Variants in CAPZB observed in about 807,000 individuals in gnomAD.
The protein encoded by CAPZB is F-actin-capping protein subunit beta.
Under a neutral mutation model 38.1 loss-of-function variants are expected in CAPZB, and 2 were observed. The ratio of observed to expected loss-of-function variants is 0.05; its 90% CI spans 0.02 to 0.17. The LOEUF (loss-of-function observed/expected upper bound fraction) is 0.17, where lower values mean the gene tolerates loss of function less well. CAPZB is among the 10% of genes least tolerant of loss of function. The pLI is 1.00. For missense variants in CAPZB, 161 were observed against 334.2 expected, an observed-to-expected ratio of 0.48 and a Z score of 4.04; for synonymous variants, 107 against 127.4, an observed-to-expected ratio of 0.84 and a Z score of 1.08.
intron 6 of CAPZB, among the ~76,000 whole-genome samples, chr1:19,350,261 C>T (rs1026836127): frequency 2.0e-5 from 3 of 152,286 alleles, no homozygotes; most frequent in Non-Finnish European, 4.4e-5. Flanking sequence ...GTGCTGCAGC[C>T]CGAGAGGAAA....
intron 1 of CAPZB, among the ~76,000 whole-genome samples, chr1:19,428,507 A>G (rs954419959): frequency 2.6e-5 from 4 of 152,184 alleles, no homozygotes; most frequent in Non-Finnish European, 5.9e-5. Context: ...CCGTGAAAAC[A>G]TAACTGCTTT....
intron 4 of CAPZB, among the ~76,000 whole-genome samples, chr1:19,365,744 G>T (rs919123263): frequency 2.0e-5 from 3 of 152,038 alleles, no homozygotes; most frequent in Admixed American, 6.6e-5. Flanking sequence ...TGAGGCAGGA[G>T]AATCGCTTGA....
At chr1:19,366,305 T>TATATATAA (rs1396564571) in intron 4 of CAPZB, among the ~76,000 whole-genome samples, 4 of 97,600 alleles carry the variant, frequency 4.1e-5, no homozygotes, top group African/African-American at 1.4e-4. Context: ...TATATATATA[T>TATATATAA]ATATAAATAA....
chr1:19,390,634 C>A (rs1025620485), intron 2 of CAPZB, among the ~76,000 whole-genome samples: 3 of 152,112 alleles, frequency 2.0e-5, no homozygotes, highest in African/African-American at 7.2e-5. Flanking sequence ...AAGTCCTTCA[C>A]CACCGATACT....
chr1:19,454,155 T>C (rs2094525703), intron 1 of CAPZB, among the ~76,000 whole-genome samples: 1 of 152,136 alleles, frequency 6.6e-6, no homozygotes, highest in Non-Finnish European at 1.5e-5. Flanking sequence ...CAGGAATAAC[T>C]GCAGTTCAAG....
intron 1 of CAPZB, among the ~76,000 whole-genome samples, chr1:19,451,833 C>T (rs1361234839): frequency 3.9e-5 from 6 of 151,986 alleles, no homozygotes; most frequent in Non-Finnish European, 5.9e-5. Flanking sequence ...TTTGCCCCAC[C>T]GAAACCTAGC....
At chr1:19,368,141 C>T (rs375555208) in intron 4 of CAPZB, among the ~76,000 whole-genome samples, 1 of 152,094 alleles carries the variant, frequency 6.6e-6, no homozygotes, top group East Asian at 1.9e-4. Context: ...AGGAACGTGC[C>T]CAAGTCACAG....
chr1:19,366,170 G>A (rs1322085884), intron 4 of CAPZB, among the ~76,000 whole-genome samples: 1 of 151,804 alleles, frequency 6.6e-6, no homozygotes, highest in Non-Finnish European at 1.5e-5. Context: ...TCTTAGGTCA[G>A]GCATGGTGGC....
At chr1:19,406,222 G>A (rs1482824920) in intron 2 of CAPZB, among the ~76,000 whole-genome samples, 2 of 152,182 alleles carry the variant, frequency 1.3e-5, no homozygotes, top group African/African-American at 2.4e-5. Flanking sequence ...CCTCCCCCAC[G>A]CATCCCTTCT....
In CAPZB at chr1:19,352,914, C is replaced by T. The variant is rs558622839; in HGVS notation, c.588+3721G>A. 5.3e-5 allele frequency among the ~76,000 whole-genome samples: 8 copies of T among 152,020 alleles called. No homozygotes were observed. The South Asian group carries it at 1.2e-3, about 24-fold the overall frequency. The stretch of plus-strand genomic sequence containing the variant: ...TGCCCAGGAGAGTGGCGCTCTGCCC[C>T]GGCCACTGGCCTACCACCAGCCGCC... On this transcript the variant is annotated intron_variant, in intron 6 of 8. Transcript: ENST00000264202.
intron 4 of CAPZB, among the ~76,000 whole-genome samples, chr1:19,362,252 T>A (rs552905081): frequency 6.6e-6 from 1 of 152,230 alleles, no homozygotes; most frequent in Non-Finnish European, 1.5e-5. Context: ...ATTTTATTTT[T>A]TTGAGACAGA....
rs1458755817 is a variant in CAPZB, at chr1:19,344,378, C to T, written c.711G>A (p.Lys237=). The T allele has an allele frequency of 6.2e-7, 1 of 1,613,580 alleles. No individual in the cohort carries two copies. The highest frequency in any genetic ancestry group is 8.5e-7 in the Non-Finnish European group (1 of 1,179,560). Residue 237 remains lysine (K), a synonymous_variant, in exon 8 of 9, where the codon AAG becomes AAA. Coordinates refer to ENST00000264202, the MANE Select transcript of CAPZB (RefSeq NM_004930.5). The part of the protein sequence containing the change: ...TLNEIYFGKT[K]DIVNGLRSVQ... ...ATTACCTCAGCCCATTGACGATATC[C>T]TTTGTTTTTCCAAAGTAGATCTCGT... is the stretch of plus-strand genomic sequence containing the variant.
intron 6 of CAPZB, among the ~76,000 whole-genome samples, chr1:19,353,251 A>G (rs969379025): frequency 6.6e-6 from 1 of 152,284 alleles, no homozygotes; most frequent in East Asian, 1.9e-4. Context: ...TCCAAAACCA[A>G]GCAGCCTTCC....
chr1:19,469,248 G>T (rs2094578548), intron 1 of CAPZB, among the ~76,000 whole-genome samples: 1 of 152,222 alleles, frequency 6.6e-6, no homozygotes, highest in African/African-American at 2.4e-5. Flanking sequence ...GTGGTGGCCA[G>T]AGGATTGTGG....
At chr1:19,467,473 A>G (rs2094572722) in intron 1 of CAPZB, among the ~76,000 whole-genome samples, 1 of 152,160 alleles carries the variant, frequency 6.6e-6, no homozygotes, top group South Asian at 2.1e-4. Context: ...CTACAAACTT[A>G]TCTAGCCTAA....
chr1:19,425,407 G>C (rs1049675673), intron 1 of CAPZB, among the ~76,000 whole-genome samples: 3 of 152,106 alleles, frequency 2.0e-5, no homozygotes, highest in Non-Finnish European at 2.9e-5. Context: ...AAAAGTCTCT[G>C]CTCCTCATGG....
At chr1:19,346,487 A>G (rs2093961657) in intron 6 of CAPZB, among the ~76,000 whole-genome samples, 1 of 146,054 alleles carries the variant, frequency 6.8e-6, no homozygotes. Flanking sequence ...AAGAAAGGGT[A>G]GAGTTCAAAA....
intron 3 of CAPZB, among the ~76,000 whole-genome samples, chr1:19,383,192 T>A (rs187453300): frequency 1.3e-5 from 2 of 151,140 alleles, no homozygotes; most frequent in Non-Finnish European, 2.9e-5. Context: ...ATGCCTATAA[T>A]CCTGACATTT....
chr1:19,426,755 A>G (rs1445548477), intron 1 of CAPZB, among the ~76,000 whole-genome samples: 2 of 152,230 alleles, frequency 1.3e-5, no homozygotes, highest in Non-Finnish European at 2.9e-5. Context: ...CACCCAGCCA[A>G]GGCCCTCCTG....
Sources: gnomAD v4.1 joint callset for allele counts (sites outside exome capture counted in the v4.1 genomes callset) on GRCh38, gnomAD v4.1.1 for gene constraint, MANE v1.5 for transcripts, NCBI Gene and HGNC (gene_info 2026-07-23, HGNC 2026-07-21) for gene names.